The following SEMA4D variants were observed in gnomAD, a reference collection of about 807,000 sequenced individuals.
SEMA4D encodes the protein semaphorin 4D, also known as semaphorin-4D.
SEMA4D carries 22 observed loss-of-function variants against 74.8 expected under a neutral mutation model. The observed-to-expected ratio is 0.29, with a 90% confidence interval of 0.21 to 0.42. SEMA4D has a LOEUF of 0.42. Ranked by LOEUF, SEMA4D falls within the 10% of genes least tolerant of loss-of-function variation. The pLI, the probability that SEMA4D is intolerant of heterozygous loss-of-function variation, is 1.00. For synonymous variants in SEMA4D, 445 were observed against 463.7 expected, an observed-to-expected ratio of 0.96 and a Z score of 0.52; for missense variants, 937 against 1,118.4, an observed-to-expected ratio of 0.84 and a Z score of 2.31.
rs766588547 is a variant in SEMA4D, at chr9:89,363,847, G to A, written c.1986C>T (p.Leu662=). ...CCCTGATGGCGTCCTGCAGCCAGCT[G>A]AGTGCATGGGCCCTGCCATCGGGCA... The change falls in exon 17 of 19, where the codon CTC becomes CTT. Residue 662 remains leucine (L), a synonymous_variant. Transcript: ENST00000339861. The A allele has an allele frequency of 6.2e-6, 10 of 1,614,030 alleles. No individual in the cohort carries two copies. The Admixed American group carries it at 1.3e-4, about 22-fold the overall frequency.
At chr9:89,480,464 A>G (rs893551248) in intron 1 of SEMA4D, among the ~76,000 whole-genome samples, 7 of 152,200 alleles carry the variant, frequency 4.6e-5, no homozygotes, top group South Asian at 4.1e-4. Context: ...GCCGTGGAGC[A>G]GGGGGTGGCT....
At chr9:89,380,601 G>A (rs1344880980) in intron 15 of SEMA4D, among the ~76,000 whole-genome samples, 4 of 152,210 alleles carry the variant, frequency 2.6e-5, no homozygotes, top group Non-Finnish European at 2.9e-5. Flanking sequence ...GGCTGCTGGG[G>A]AAGGGGCATC....
chr9:89,362,941 G>T (rs1832935157), intron 18 of SEMA4D, among the ~76,000 whole-genome samples: 1 of 152,174 alleles, frequency 6.6e-6, no homozygotes. Context: ...CTGCCCCACT[G>T]CCTGCAGCTT....
intron 7 of SEMA4D, 136 bp downstream of exon 7, chr9:89,393,426 T>C (rs1840271884): frequency 2.9e-6 from 2 of 687,668 alleles, no homozygotes; most frequent in Admixed American, 5.4e-5. Context: ...CAGTCACATG[T>C]GCCTTTTGTA....
chr9:89,489,055 GCA>G (rs1302555468), intron 1 of SEMA4D, among the ~76,000 whole-genome samples: 15 of 152,186 alleles, frequency 9.9e-5, no homozygotes, highest in African/African-American at 3.6e-4. Context: ...AACTAAAACT[GCA>G]CAGATACAGC....
At position 89,409,251 on chromosome 9, in the gene SEMA4D, T is replaced by C. The variant is rs1194914555; in HGVS notation, c.-243-3552A>G. On this transcript the variant is annotated intron_variant, in intron 2 of 15. Coordinates refer to ENST00000422704, the MANE Select transcript of SEMA4D (RefSeq NM_001371194.2). ...CAAAACCATGAAGACAGTAAAAAGA[T>C]CAGTGGTTCCCAGGGGCTGGGGAGA... 2.0e-5 allele frequency among the ~76,000 whole-genome samples: 3 copies of C among 152,180 alleles called. No individual in the cohort carries two copies. In the East Asian group the frequency reaches 5.8e-4, roughly 29 times the overall value.
intron 16 of SEMA4D, chr9:89,364,153 C>T: frequency 9.5e-7 from 1 of 1,048,332 alleles, no homozygotes; most frequent in South Asian, 1.6e-5. Flanking sequence ...GTCCTGTGGA[C>T]TTCCTGCTCT....
At chr9:89,442,031 T>C (rs762390060) in intron 2 of SEMA4D, among the ~76,000 whole-genome samples, 6 of 152,226 alleles carry the variant, frequency 3.9e-5, no homozygotes, top group Non-Finnish European at 7.3e-5. Context: ...TCTTGCACAG[T>C]TCATGGATGT....
chr9:89,370,029 A>T (rs925959182), intron 16 of SEMA4D, among the ~76,000 whole-genome samples: 1 of 149,956 alleles, frequency 6.7e-6, no homozygotes, highest in African/African-American at 2.5e-5. Flanking sequence ...TGTGTGTTGT[A>T]TGCTGTGCTG....
At chr9:89,362,376 C>T (rs374753568) in exon 19 of SEMA4D, 54 of 1,614,014 alleles carry the variant, frequency 3.3e-5, no homozygotes, top group South Asian at 1.1e-4. Context: ...GGGTTGAGGT[C>T]GGTGTCAGGG....
At chr9:89,450,233 T>A in intron 2 of SEMA4D, 4 of 1,221,680 alleles carry the variant, frequency 3.3e-6, no homozygotes, top group Non-Finnish European at 4.8e-6. Flanking sequence ...AAGTATATGC[T>A]GTGGATGTTC....
chr9:89,411,436 C>G (rs1844509006), intron 2 of SEMA4D, among the ~76,000 whole-genome samples: 1 of 152,082 alleles, frequency 6.6e-6, no homozygotes, highest in Non-Finnish European at 1.5e-5. Flanking sequence ...TGTCTTCCAT[C>G]ATAACACAAC....
chr9:89,467,269 A>C (rs1281412718), intron 1 of SEMA4D, among the ~76,000 whole-genome samples: 1 of 152,124 alleles, frequency 6.6e-6, no homozygotes, highest in African/African-American at 2.4e-5. Flanking sequence ...TACACCGTAG[A>C]ACCTGGATGA....
intron 2 of SEMA4D, among the ~76,000 whole-genome samples, chr9:89,435,722 C>G (rs890810364): frequency 6.6e-6 from 1 of 152,336 alleles, no homozygotes; most frequent in Non-Finnish European, 1.5e-5. Flanking sequence ...TACGCCCCAC[C>G]CGGCCCCGAC....
intron 13 of SEMA4D, among the ~76,000 whole-genome samples, chr9:89,383,485 T>C (rs1442038884): frequency 6.6e-6 from 1 of 151,854 alleles, no homozygotes; most frequent in Admixed American, 6.6e-5. Context: ...AGACTACTCC[T>C]CTCCAGGAGT....
At chr9:89,430,381 GAGA>G in intron 2 of SEMA4D, among the ~76,000 whole-genome samples, 1 of 152,122 alleles carries the variant, frequency 6.6e-6, no homozygotes, top group Non-Finnish European at 1.5e-5. Flanking sequence ...GCTTCAGAGG[GAGA>G]CAACTGACTG....
downstream of SEMA4D, chr9:89,377,080 G>A (rs983840253): frequency 6.6e-7 from 1 of 1,511,126 alleles, no homozygotes; most frequent in Admixed American, 2.1e-5. Flanking sequence ...AGAAAAGAGA[G>A]GGCACTGAGG....
In SEMA4D at chr9:89,378,956, C is replaced by T. The variant is rs1564525790; in HGVS notation, c.2337G>A (p.Lys779=). Residue 779 remains lysine (K), a synonymous_variant, in exon 16 of 16, where the codon AAG becomes AAA. Coordinates refer to ENST00000422704, the MANE Select transcript of SEMA4D (RefSeq NM_001371194.2). ...TCTGCTCACGGTCACAGAAATCTGA[C>T]TTGGGCTTCTTCTTCCCAATTAGTA... ...SALLIGKKKP[K]SDFCDREQSL... 1.2e-6 allele frequency: 2 copies of T among 1,614,180 alleles called. No homozygotes were observed. Among genetic ancestry groups the T allele is most frequent in the Middle Eastern group, 1.6e-4 (1 of 6,062 alleles).
chr9:89,442,816 C>A (rs548735674), intron 2 of SEMA4D, among the ~76,000 whole-genome samples: 1 of 152,198 alleles, frequency 6.6e-6, no homozygotes, highest in African/African-American at 2.4e-5. Flanking sequence ...CATTTCCCAG[C>A]GAGGAAACAC....
Sources: allele counts gnomAD v4.1 joint callset (sites outside exome capture counted in the v4.1 genomes callset), GRCh38; gene constraint gnomAD v4.1.1; transcripts MANE v1.5; gene names NCBI Gene and HGNC (gene_info 2026-07-23, HGNC 2026-07-21).